The following VPS54 variants were observed in gnomAD, a reference collection of about 807,000 sequenced individuals.
VPS54 encodes the protein VPS54 subunit of GARP complex, also known as vacuolar protein sorting-associated protein 54.
In VPS54, 45 loss-of-function variants were observed where a neutral mutation model predicts 121.5. The observed-to-expected ratio is 0.37, with a 90% CI of 0.29 to 0.47. The LOEUF is 0.47. Among genes scored for constraint, VPS54 ranks in the 20% least tolerant of loss-of-function variants. The probability of loss-of-function intolerance (pLI) is 0.99; values close to 1 mark genes in which losing one functional copy is unlikely to be tolerated. For synonymous variants in VPS54, 371 were observed against 385.8 expected, an observed-to-expected ratio of 0.96 and a Z score of 0.45; for missense variants, 1,090 against 1,131.4, an observed-to-expected ratio of 0.96 and a Z score of 0.52.
chr2:63,948,493 C>T (rs574646812), intron 8 of VPS54, among the ~76,000 whole-genome samples: 53 of 143,034 alleles, frequency 3.7e-4, no homozygotes, highest in African/African-American at 1.3e-3. Context: ...AACTCCTGGA[C>T]TCAAGTGATC....
intron 1 of VPS54, among the ~76,000 whole-genome samples, chr2:64,003,389 T>C (rs1400251135): frequency 6.6e-6 from 1 of 152,202 alleles, no homozygotes; most frequent in Non-Finnish European, 1.5e-5. Flanking sequence ...CAAATATTAT[T>C]CTCTCTTGAA....
At chr2:63,933,154 T>G (rs2104483957) in intron 12 of VPS54, among the ~76,000 whole-genome samples, 2 of 152,290 alleles carry the variant, frequency 1.3e-5, no homozygotes, top group South Asian at 4.1e-4. Flanking sequence ...TCTGGTAACT[T>G]TTCTGTAAAT....
At chr2:63,986,510 TTGA>T (rs1198984200) in intron 1 of VPS54, among the ~76,000 whole-genome samples, 3 of 152,360 alleles carry the variant, frequency 2.0e-5, no homozygotes, top group Admixed American at 6.5e-5. Flanking sequence ...CATTCGTCTG[TTGA>T]TGGACATTTC....
intron 1 of VPS54, among the ~76,000 whole-genome samples, chr2:63,984,957 T>C (rs1676973773): frequency 6.6e-6 from 1 of 151,822 alleles, no homozygotes; most frequent in Non-Finnish European, 1.5e-5. Context: ...GTTTAACAAG[T>C]CTAAAAAAAC....
chr2:63,897,125 G>T (rs1672478057), intron 22 of VPS54, among the ~76,000 whole-genome samples: 1 of 152,094 alleles, frequency 6.6e-6, no homozygotes, highest in Non-Finnish European at 1.5e-5. Flanking sequence ...AATTAAGACA[G>T]ATTTCATCCT....
chr2:63,893,590 T>C, intron 22 of VPS54, 55 bp from the exon 23 acceptor site: 1 of 1,496,968 alleles, frequency 6.7e-7, no homozygotes, highest in African/African-American at 1.4e-5. Context: ...ATTCAGATAA[T>C]TAAAGTAACA....
intron 1 of VPS54, among the ~76,000 whole-genome samples, chr2:63,997,663 G>C (rs1395722565): frequency 6.6e-6 from 1 of 151,468 alleles, no homozygotes; most frequent in African/African-American, 2.4e-5. Context: ...ACGTTTTATT[G>C]ATCTTTTGTC....
chr2:63,997,695 AT>A (rs1450639215), intron 1 of VPS54, among the ~76,000 whole-genome samples: 1 of 151,354 alleles, frequency 6.6e-6, no homozygotes, highest in Non-Finnish European at 1.5e-5. Context: ...TTTCAATTTC[AT>A]TTATCTCTGC....
intron 11 of VPS54, among the ~76,000 whole-genome samples, chr2:63,935,696 G>A (rs1674422865): frequency 6.6e-6 from 1 of 152,012 alleles, no homozygotes; most frequent in African/African-American, 2.4e-5. Flanking sequence ...CAACCTCCTT[G>A]CCTAATGTTT....
chr2:64,007,883 C>T (rs574494409), intron 1 of VPS54, among the ~76,000 whole-genome samples: 2 of 152,074 alleles, frequency 1.3e-5, no homozygotes, highest in South Asian at 4.1e-4. Context: ...AGATTACTAA[C>T]TTTAGAAAGG....
chr2:63,913,770 C>T (rs1366273727), intron 17 of VPS54: 1 of 867,504 alleles, frequency 1.2e-6, no homozygotes, highest in African/African-American at 1.8e-5. Flanking sequence ...AAAATCATCA[C>T]ATTTTCATTT....
At chr2:63,989,925 C>T (rs557116133) in intron 1 of VPS54, among the ~76,000 whole-genome samples, 56 of 152,206 alleles carry the variant, frequency 3.7e-4, no homozygotes, top group South Asian at 2.5e-3. Flanking sequence ...CTATTCAAGG[C>T]GGTGGAAAAA....
At chr2:64,000,453 T>C (rs575694086) in intron 1 of VPS54, among the ~76,000 whole-genome samples, 4 of 152,248 alleles carry the variant, frequency 2.6e-5, no homozygotes, top group Admixed American at 1.3e-4. Context: ...TGGGTGTAGA[T>C]GTTCTTCAGT....
At chr2:64,016,383 CT>C (rs1374991521) in intron 1 of VPS54, among the ~76,000 whole-genome samples, 1 of 152,020 alleles carries the variant, frequency 6.6e-6, no homozygotes, top group Non-Finnish European at 1.5e-5. Context: ...AAAGGAAAAG[CT>C]TTTCAAGAAG....
At chr2:63,956,979 T>A (rs1246176736) in intron 7 of VPS54, among the ~76,000 whole-genome samples, 1 of 152,170 alleles carries the variant, frequency 6.6e-6, no homozygotes, top group Non-Finnish European at 1.5e-5. Flanking sequence ...TCGAATGCAT[T>A]CTTGGGCTCA....
In VPS54 at chr2:63,943,707, TTTTC is replaced by T. The variant is rs36057474; in HGVS notation, c.1301+889_1301+892del. ...TAAAATAATAGAATAGGAATTTTTCTTTTCTTTCTTTCTTTCTTTCTTTTTTTTT... is the reference window on the plus strand; with the variant it reads ...TAAAATAATAGAATAGGAATTTTTCTTTTCTTTCTTTCTTTCTTTTTTTTT... On this transcript the variant is annotated intron_variant, in intron 10 of 22. Coordinates refer to ENST00000272322, the MANE Select transcript of VPS54 (RefSeq NM_016516.3). Among the ~76,000 whole-genome samples the T allele has an allele frequency of 6.0e-4, 78 of 130,798 alleles. 1 individual carries two copies. The East Asian group carries it at 6.2e-3, about 10-fold the overall frequency. The allele number at this position is 130,798 out of a possible 152,430, so 85.8% of individuals were successfully genotyped here.
intron 21 of VPS54, among the ~76,000 whole-genome samples, chr2:63,899,156 C>T (rs2104400211): frequency 6.6e-6 from 1 of 152,212 alleles, no homozygotes; most frequent in Admixed American, 6.5e-5. Context: ...TGATAAAGGC[C>T]AACTCTAATT....
At chr2:63,992,516 G>T (rs1397638719) in intron 1 of VPS54, among the ~76,000 whole-genome samples, 1 of 152,236 alleles carries the variant, frequency 6.6e-6, no homozygotes, top group Non-Finnish European at 1.5e-5. Context: ...CACGCCTCCT[G>T]ATCCTATTCC....
chr2:64,010,246 GCTT>G (rs766717351), intron 1 of VPS54, among the ~76,000 whole-genome samples: 1 of 152,102 alleles, frequency 6.6e-6, no homozygotes, highest in Non-Finnish European at 1.5e-5. Context: ...GCTGGACAGA[GCTT>G]TTTTGACATA....
Sources: gnomAD v4.1 joint callset for allele counts (sites outside exome capture counted in the v4.1 genomes callset) on GRCh38, gnomAD v4.1.1 for gene constraint, MANE v1.5 for transcripts, NCBI Gene and HGNC (gene_info 2026-07-23, HGNC 2026-07-21) for gene names.